Variants in ATF2 observed in about 807,000 individuals in gnomAD.
The protein encoded by ATF2 is cyclic AMP-dependent transcription factor ATF-2.
A neutral mutation model predicts 60.6 loss-of-function variants in ATF2; 24 were observed. The ratio of observed to expected loss-of-function variants is 0.40; its 90% CI spans 0.29 to 0.56. The LOEUF (loss-of-function observed/expected upper bound fraction) is 0.56. ATF2 is among the 20% of genes least tolerant of loss of function. The pLI is 0.54. For missense variants in ATF2, 433 were observed against 607.7 expected (o/e 0.71, Z 3.02); for synonymous variants, 206 against 215.4 (o/e 0.96, Z 0.38).
intron 1 of ATF2, among the ~76,000 whole-genome samples, chr2:175,165,760 C>T (rs1199684365): frequency 6.6e-6 from 1 of 152,168 alleles, no homozygotes; most frequent in Admixed American, 6.5e-5. Flanking sequence ...ACCTCCGCCT[C>T]CCAGGTTCAA....
intron 5 of ATF2, among the ~76,000 whole-genome samples, chr2:175,120,903 A>C (rs779215855): frequency 1.3e-5 from 2 of 151,688 alleles, no homozygotes; most frequent in Non-Finnish European, 3.0e-5. Flanking sequence ...TCATCTGCTT[A>C]GGTGATACTG....
intron 7 of ATF2, among the ~76,000 whole-genome samples, 156 bp from the exon 8 acceptor site, chr2:175,115,024 G>A (rs1006008838): frequency 1.3e-5 from 2 of 151,332 alleles, no homozygotes; most frequent in Non-Finnish European, 2.9e-5. Flanking sequence ...TTTTAGAAGA[G>A]CTGTAAAGAT....
In ATF2 at chr2:175,093,053, C is replaced by T. The variant is rs1164352122; in HGVS notation, c.1185+8G>A. 3.7e-6 allele frequency: 6 copies of T among 1,613,618 alleles called. No individual in the cohort carries two copies. Among genetic ancestry groups the T allele is most frequent in the Non-Finnish European group, 5.1e-6 (6 of 1,179,848 alleles). ...AAATAAAACAAAATTCACATATATG[C>T]ACCATACCTGCAGCTGACCATTTAA... On this transcript the variant is annotated splice_region_variant and intron_variant, in intron 12 of 13. Coordinates refer to ENST00000264110, the MANE Select transcript of ATF2 (RefSeq NM_001880.4).
rs540892233 is a variant in ATF2 at position 175,137,388 on chromosome 2, T to A, written c.-43-902A>T. On this transcript the variant is annotated intron_variant, in intron 2 of 13. Transcript: ENST00000264110. ...AACACTAGAAAAATCCAAGGAAATC[T>A]GTAATAGCCATGCTTCTGTCATTAC... Among the ~76,000 whole-genome samples the A allele has an allele frequency of 6.6e-5, 10 of 152,280 alleles. No homozygotes were observed. The South Asian group carries it at 1.0e-3, about 16-fold the overall frequency.
Position 175,078,142 on chromosome 2 carries a change from T to A in ATF2, c.1291+2518A>T, listed in dbSNP as rs577233901. On this transcript the variant is annotated intron_variant, in intron 13 of 13. Coordinates refer to ENST00000264110, the MANE Select transcript of ATF2 (RefSeq NM_001880.4). ...GCCAAAATGCCTGGCTTTTTTAAAC[T>A]TTATTTTTTGTAGAGATGGGGTCCC... is the stretch of plus-strand genomic sequence containing the variant. 3.9e-5 allele frequency among the ~76,000 whole-genome samples: 6 copies of A among 152,246 alleles called. No homozygotes were observed. The South Asian group carries it at 1.2e-3, about 32-fold the overall frequency.
intron 10 of ATF2, among the ~76,000 whole-genome samples, chr2:175,110,233 G>A (rs2105671914): frequency 6.6e-6 from 1 of 152,234 alleles, no homozygotes; most frequent in South Asian, 2.1e-4. Flanking sequence ...TACTCAGGAG[G>A]CTGAGGCAGG....
intron 1 of ATF2, among the ~76,000 whole-genome samples, chr2:175,151,794 A>C (rs1402479010): frequency 6.6e-6 from 1 of 152,188 alleles, no homozygotes; most frequent in African/African-American, 2.4e-5. Context: ...GCCTGGAACC[A>C]AGGGTCCTTA....
At chr2:175,130,304 T>C (rs1410004636) in intron 3 of ATF2, 97 bp from the exon 4 acceptor site, 10 of 750,186 alleles carry the variant, frequency 1.3e-5, no homozygotes, top group Non-Finnish European at 2.0e-5. Flanking sequence ...TTATTAACTT[T>C]TCTATTTTAA....
At chr2:175,080,903 G>T in intron 12 of ATF2, 138 bp from the exon 13 acceptor site, 1 of 597,690 alleles carries the variant, frequency 1.7e-6, no homozygotes, top group Non-Finnish European at 2.9e-6. Context: ...GATTAAATAT[G>T]TCTAATCAGC....
In ATF2 at chr2:175,168,121, C is replaced by A. The variant is rs1700495535; in HGVS notation, c.-214G>T. On this transcript the variant is annotated 5_prime_UTR_variant, in exon 1 of 14. Transcript: ENST00000264110. ...TGAGCACAGCCGTGTTTACAAAGCA[C>A]CCCTGGAGGAAAAGGCTGAACGGCA... is the stretch of plus-strand genomic sequence containing the variant. 1 of 159,158 alleles carries A rather than the reference C, an allele frequency of 6.3e-6. No homozygotes were observed. Among genetic ancestry groups the A allele is most frequent in the African/African-American group, 2.4e-5 (1 of 41,670 alleles). The allele number at this position is 159,158 out of a possible 1,614,324, so 9.9% of individuals were successfully genotyped here.
chr2:175,110,350 A>AAATAAATAAATG (rs1252736074), intron 10 of ATF2, among the ~76,000 whole-genome samples: 107 of 152,152 alleles, frequency 7.0e-4, no homozygotes, highest in Non-Finnish European at 1.3e-3. Flanking sequence ...ATAAATAAAT[A>AAATAAATAAATG]AATAAATTCA....
At chr2:175,165,620 C>T (rs62184529) in intron 1 of ATF2, among the ~76,000 whole-genome samples, 5,771 of 152,180 alleles carry the variant, frequency 0.038, 131 homozygotes, top group Admixed American at 0.094. Flanking sequence ...TCCTGAATAC[C>T]AATAAAGACC....
intron 1 of ATF2, among the ~76,000 whole-genome samples, chr2:175,164,851 A>T (rs147001710): frequency 0.013 from 1,919 of 152,270 alleles, 30 homozygotes; most frequent in African/African-American, 0.042. Flanking sequence ...TACTAAGTGA[A>T]TTTTTTGGTT....
At chr2:175,130,238 C>T (rs1439898481) in intron 3 of ATF2, 31 bp from the exon 4 acceptor site, 1 of 1,330,568 alleles carries the variant, frequency 7.5e-7, no homozygotes, top group Non-Finnish European at 1.0e-6. Flanking sequence ...CTTTAGAGTA[C>T]ATATTTTAAA....
intron 12 of ATF2, among the ~76,000 whole-genome samples, chr2:175,081,710 A>C: frequency 6.6e-6 from 1 of 152,222 alleles, no homozygotes; most frequent in East Asian, 1.9e-4. Flanking sequence ...ATAAAAGCTG[A>C]GGCATGACAT....
At chr2:175,153,628 G>C (rs1004026574) in intron 1 of ATF2, among the ~76,000 whole-genome samples, 2 of 152,036 alleles carry the variant, frequency 1.3e-5, no homozygotes, top group African/African-American at 4.8e-5. Flanking sequence ...AGGAGTTCGA[G>C]ACCAGCCTGG....
chr2:175,092,940 G>C (rs550128140), intron 12 of ATF2, 121 bp downstream of exon 12: 5 of 989,624 alleles, frequency 5.1e-6, no homozygotes, highest in African/African-American at 5.0e-5. Flanking sequence ...ATTTACTATA[G>C]ATTCCATACA....
Position 175,114,692 on chromosome 2 carries a change from A to C in ATF2, c.624T>G (p.Ile208Met), listed in dbSNP as rs761534267. Residue 208 changes from isoleucine to methionine, a missense_variant and splice_region_variant, in exon 8 of 14, where the codon ATT becomes ATG. By Grantham distance (10) the Ile-to-Met change is conservative (BLOSUM62 1). Transcript: ENST00000264110. ...AATGATTGGCCTGAATCACTTACAC[A>C]ATTGGCCTGTTAGAGGATGGTGCCT... Reference protein sequence around the residue: ...ITQAPSSNRPIVPVPGPFPLL... With the variant: ...ITQAPSSNRPMVPVPGPFPLL... 6.2e-7 allele frequency: 1 copy of C among 1,613,094 alleles called. No individual in the cohort carries two copies. The highest frequency in any genetic ancestry group is 8.5e-7 in the Non-Finnish European group (1 of 1,179,262).
chr2:175,145,704 G>T (rs1293863976), intron 2 of ATF2, among the ~76,000 whole-genome samples: 1 of 152,144 alleles, frequency 6.6e-6, no homozygotes, highest in Non-Finnish European at 1.5e-5. Context: ...GTCTTGTAGT[G>T]GAAATAAAGA....
Sources: gnomAD v4.1 joint callset for allele counts (sites outside exome capture counted in the v4.1 genomes callset) on GRCh38, gnomAD v4.1.1 for gene constraint, MANE v1.5 for transcripts, NCBI Gene and HGNC (gene_info 2026-07-23, HGNC 2026-07-21) for gene names.